SPRY3: variants seen among roughly 807,000 people sequenced by gnomAD.
The protein encoded by SPRY3 is protein sprouty homolog 3.
In SPRY3, 15 loss-of-function variants were observed where a neutral mutation model predicts 20.2. That is an observed-to-expected ratio of 0.74 (90% confidence interval 0.50 to 1.14). The LOEUF is 1.14. Among genes scored for constraint, SPRY3 ranks in the 50% most tolerant of loss-of-function variants. The probability of loss-of-function intolerance (pLI) is 0.00; values close to 1 mark genes in which losing one functional copy is unlikely to be tolerated. For synonymous variants in SPRY3, 143 were observed against 136.5 expected (o/e 1.05, Z -0.33); for missense variants, 364 against 363.9 (o/e 1.00, Z 0.00).
At chrX:155,774,424 G>A in exon 4 of SPRY3, 1 of 1,614,012 alleles carries the variant, frequency 6.2e-7, no homozygotes, top group Non-Finnish European at 8.5e-7. Flanking sequence ...CCTCGATTAT[G>A]GCACTTGTCT....
At chrX:155,685,636 T>C (rs1296856668) in intron 2 of SPRY3, among the ~76,000 whole-genome samples, 1 of 111,270 alleles carries the variant, frequency 9.0e-6, no homozygotes, top group Non-Finnish European at 1.9e-5. Flanking sequence ...CATCATTTAG[T>C]TCCCACTTAT....
chrX:155,764,591 G>A (rs1044979701), intron 2 of SPRY3, among the ~76,000 whole-genome samples: 1 of 152,084 alleles, frequency 6.6e-6, no homozygotes, highest in African/African-American at 2.4e-5. Flanking sequence ...TGGGGATGTG[G>A]CAGTGAAGAC....
chrX:155,767,771 AGAAAGAGGAGGAGGT>A (rs1165818410), intron 2 of SPRY3, 176 bp from the exon 2 acceptor site: 2 of 140,756 alleles, frequency 1.4e-5, no homozygotes, highest in African/African-American at 6.5e-5. Flanking sequence ...GAGGAGGAGG[AGAAAGAGGAGGAGGT>A]GAACAACTTA....
chrX:155,722,797 A>G (rs953672849), intron 2 of SPRY3, among the ~76,000 whole-genome samples: 4 of 149,222 alleles, frequency 2.7e-5, no homozygotes, highest in African/African-American at 9.9e-5. Flanking sequence ...TTCACCATAT[A>G]TATATATATA....
chrX:155,659,134 T>G (rs2068001828), intron 2 of SPRY3, among the ~76,000 whole-genome samples: 1 of 104,144 alleles, frequency 9.6e-6, no homozygotes. Context: ...TTTCTTTCTT[T>G]CTTTCTTTCT....
intron 2 of SPRY3, among the ~76,000 whole-genome samples, chrX:155,749,126 T>G (rs1481178735): frequency 3.3e-5 from 5 of 151,842 alleles, no homozygotes; most frequent in Non-Finnish European, 5.9e-5. Flanking sequence ...AAAAATAAGC[T>G]TTTACAAAAA....
chrX:155,685,484 G>C (rs2068084821), intron 2 of SPRY3, among the ~76,000 whole-genome samples: 2 of 108,375 alleles, frequency 1.8e-5, no homozygotes, highest in Admixed American at 2.0e-4. Context: ...TGTCATAAGG[G>C]TTTGTTGTAC....
chrX:155,765,479 AC>A (rs1449116025), intron 2 of SPRY3, among the ~76,000 whole-genome samples: 2 of 152,214 alleles, frequency 1.3e-5, no homozygotes, highest in Admixed American at 6.5e-5. Context: ...ATAGAACAGC[AC>A]CTGGCAAAGA....
intron 3 of SPRY3, among the ~76,000 whole-genome samples, chrX:155,772,991 C>T (rs758634826): frequency 6.6e-6 from 1 of 152,054 alleles, no homozygotes; most frequent in Non-Finnish European, 1.5e-5. Flanking sequence ...CCCAGTATTA[C>T]TCCCACGTGT....
chrX:155,612,941 A>C (rs942242701), intron 1 of SPRY3: 7 of 112,167 alleles, frequency 6.2e-5, no homozygotes, highest in Non-Finnish European at 1.1e-4. Context: ...GCTCGGGCCC[A>C]GCGGAGAGCC....
chrX:155,757,808 G>A (rs1048162703), intron 2 of SPRY3, among the ~76,000 whole-genome samples: 5 of 152,106 alleles, frequency 3.3e-5, no homozygotes, highest in Admixed American at 2.0e-4. Context: ...AAAGAAACAC[G>A]CACCTCCACC....
intron 2 of SPRY3, among the ~76,000 whole-genome samples, chrX:155,679,051 G>A (rs754619810): frequency 1.1e-4 from 12 of 110,921 alleles, no homozygotes; most frequent in Middle Eastern, 4.6e-3. Context: ...CTGTAGGGGC[G>A]TGGGGGGCTG....
At chrX:155,747,418 A>C (rs1174126388) in intron 2 of SPRY3, among the ~76,000 whole-genome samples, 4 of 151,900 alleles carry the variant, frequency 2.6e-5, no homozygotes, top group Non-Finnish European at 5.9e-5. Flanking sequence ...AGATTTTCCT[A>C]TTTTCATTTA....
chrX:155,672,986 G>A (rs1270472944), intron 2 of SPRY3, among the ~76,000 whole-genome samples: 14 of 96,673 alleles, frequency 1.4e-4, no homozygotes, highest in Admixed American at 1.4e-3. Context: ...AACACCGCAT[G>A]TTCTCACTCA....
At chrX:155,663,649 G>A (rs949369186) in intron 2 of SPRY3, among the ~76,000 whole-genome samples, 1 of 111,234 alleles carries the variant, frequency 9.0e-6, no homozygotes, top group Non-Finnish European at 1.9e-5. Context: ...ACTATCATCA[G>A]CATCTCTTGG....
At chrX:155,674,747 G>C (rs2068054299) in intron 2 of SPRY3, among the ~76,000 whole-genome samples, 1 of 110,323 alleles carries the variant, frequency 9.1e-6, no homozygotes, top group African/African-American at 3.3e-5. Context: ...AGCCAAGCCT[G>C]CTTTATCTTG....
chrX:155,719,336 A>G (rs2091041427), intron 2 of SPRY3, among the ~76,000 whole-genome samples: 1 of 152,148 alleles, frequency 6.6e-6, no homozygotes. Flanking sequence ...AAGCCTTGCT[A>G]CAGTGGGCTA....
intron 2 of SPRY3, among the ~76,000 whole-genome samples, chrX:155,688,498 A>C (rs1167940364): frequency 9.0e-6 from 1 of 110,949 alleles, no homozygotes; most frequent in Non-Finnish European, 1.9e-5. Flanking sequence ...TTACACTCCC[A>C]CCAACAGTGT....
intron 2 of SPRY3, among the ~76,000 whole-genome samples, chrX:155,753,336 A>T (rs1166523550): frequency 6.6e-6 from 1 of 151,648 alleles, no homozygotes; most frequent in Non-Finnish European, 1.5e-5. Context: ...ACATAAATGA[A>T]TATTATAATA....
Sources: allele counts gnomAD v4.1 joint callset (sites outside exome capture counted in the v4.1 genomes callset), GRCh38; gene constraint gnomAD v4.1.1; transcripts MANE v1.5; gene names NCBI Gene and HGNC (gene_info 2026-07-23, HGNC 2026-07-21).